The following SPMAP2 variants were observed in gnomAD, a reference collection of about 807,000 sequenced individuals.
SPMAP2 encodes the protein sperm microtubule associated protein 2.
chr19:371,296 C>A, the SPMAP2 span: 2 of 1,490,252 alleles, frequency 1.3e-6, no homozygotes, highest in South Asian at 1.4e-5. Flanking sequence ...CAGGGAGGAC[C>A]GAGGAATGGG....
chr19:374,092 G>A, the SPMAP2 span: 1 of 1,527,696 alleles, frequency 6.5e-7, no homozygotes, highest in Non-Finnish European at 9.0e-7. Context: ...CTCTCCTTTG[G>A]CCACCGCCCA....
chr19:364,157 T>C, the SPMAP2 span, among the ~76,000 whole-genome samples: 45,329 of 145,474 alleles, frequency 0.31, 7,378 homozygotes, highest in Middle Eastern at 0.47. Flanking sequence ...CACGGTGAAA[T>C]CCCATCTCTA....
the SPMAP2 span, chr19:373,570 AGCCCTG>A: frequency 1.9e-6 from 3 of 1,599,254 alleles, no homozygotes; most frequent in Admixed American, 3.4e-5. Flanking sequence ...GGAGGCAGAG[AGCCCTG>A]GCCCTGCCCG....
chr19:366,170 T>A, the SPMAP2 span, among the ~76,000 whole-genome samples: 1 of 149,890 alleles, frequency 6.7e-6, no homozygotes, highest in Non-Finnish European at 1.5e-5. Flanking sequence ...CAACTATGAG[T>A]GGGTGGAAGC....
chr19:369,254 A>G, the SPMAP2 span, among the ~76,000 whole-genome samples: 1 of 152,212 alleles, frequency 6.6e-6, no homozygotes, highest in Non-Finnish European at 1.5e-5. Flanking sequence ...CAAAACGTTT[A>G]GGAATAATCA....
At chr19:374,534 C>T in the SPMAP2 span, 5 of 1,419,420 alleles carry the variant, frequency 3.5e-6, no homozygotes, top group African/African-American at 1.4e-5. Context: ...TCACCCTGCC[C>T]ACCCGCCTCT....
chr19:370,113 G>A, the SPMAP2 span, among the ~76,000 whole-genome samples: 3 of 152,128 alleles, frequency 2.0e-5, no homozygotes, highest in East Asian at 1.9e-4. Context: ...GATGGGGAGC[G>A]CCTGAGCGCA....
the SPMAP2 span, chr19:374,273 G>A: frequency 1.7e-5 from 28 of 1,611,194 alleles, no homozygotes; most frequent in East Asian, 4.5e-5. Flanking sequence ...CTGCCCCTAC[G>A]AGGCCGTGGT....
At chr19:366,895 G>C in the SPMAP2 span, among the ~76,000 whole-genome samples, 1 of 152,080 alleles carries the variant, frequency 6.6e-6, no homozygotes, top group Non-Finnish European at 1.5e-5. Flanking sequence ...TTTCCTGCTA[G>C]AAAACCCTCT....
chr19:370,596 C>T, the SPMAP2 span, among the ~76,000 whole-genome samples: 6 of 152,062 alleles, frequency 3.9e-5, no homozygotes, highest in African/African-American at 9.6e-5. Context: ...GTGATCCACC[C>T]GCCTCAGCCT....
the SPMAP2 span, among the ~76,000 whole-genome samples, chr19:364,910 T>TGG: frequency 6.6e-6 from 1 of 152,180 alleles, no homozygotes; most frequent in Non-Finnish European, 1.5e-5. Flanking sequence ...CTTTGATTTC[T>TGG]GGGAAAGCTC....
the SPMAP2 span, among the ~76,000 whole-genome samples, chr19:369,540 G>A: frequency 2.0e-5 from 3 of 151,966 alleles, no homozygotes; most frequent in Admixed American, 6.6e-5. Flanking sequence ...GGCCAAGATG[G>A]GGAAGAGCCT....
the SPMAP2 span, among the ~76,000 whole-genome samples, chr19:363,834 C>T: frequency 6.6e-6 from 1 of 151,898 alleles, no homozygotes; most frequent in Non-Finnish European, 1.5e-5. Flanking sequence ...CGTGCCCGGC[C>T]CCATTTTATT....
the SPMAP2 span, chr19:361,806 G>T: frequency 2.6e-3 from 212 of 81,268 alleles, no homozygotes; most frequent in Non-Finnish European, 2.5e-3. Flanking sequence ...CTGTCGTTCC[G>T]ACTCCGACGG....
chr19:371,350 C>A, the SPMAP2 span: 23 of 1,354,754 alleles, frequency 1.7e-5, no homozygotes, highest in South Asian at 3.3e-4. Flanking sequence ...TTTAGACCAG[C>A]AGCTCGGCCG....
the SPMAP2 span, chr19:375,638 G>A: frequency 2.5e-5 from 39 of 1,533,114 alleles, no homozygotes; most frequent in Non-Finnish European, 3.4e-5. Flanking sequence ...ACCGCACCCA[G>A]GCAGGCCCGT....
the SPMAP2 span, among the ~76,000 whole-genome samples, chr19:367,831 G>T: frequency 6.6e-6 from 1 of 152,156 alleles, no homozygotes; most frequent in Non-Finnish European, 1.5e-5. Flanking sequence ...TGACTGCAGC[G>T]CATTCTCAAG....
chr19:365,266 G>A, the SPMAP2 span, among the ~76,000 whole-genome samples: 309 of 152,338 alleles, frequency 2.0e-3, 3 homozygotes, highest in Middle Eastern at 6.8e-3. Flanking sequence ...GGGTGGATGC[G>A]AGCTCTGCCC....
chr19:373,613 G>A, the SPMAP2 span: 4 of 1,411,744 alleles, frequency 2.8e-6, no homozygotes, highest in Middle Eastern at 1.8e-4. Context: ...TCTGCCAGGA[G>A]GGTGGCCGAG....
Sources: gnomAD v4.1 joint callset for allele counts (sites outside exome capture counted in the v4.1 genomes callset) on GRCh38, gnomAD v4.1.1 for gene constraint, MANE v1.5 for transcripts, NCBI Gene and HGNC (gene_info 2026-07-23, HGNC 2026-07-21) for gene names.